Variants in FBXL13 observed in about 807,000 individuals in gnomAD.
FBXL13 encodes F-box and leucine rich repeat protein 13, also known as F-box and leucine-rich repeat protein 13.
Under a neutral mutation model 83.6 loss-of-function variants are expected in FBXL13, and 67 were observed. That is an observed-to-expected ratio of 0.80 (90% CI 0.66 to 0.98). The LOEUF (loss-of-function observed/expected upper bound fraction) is 0.98, where lower values mean the gene tolerates loss of function less well. Ranked by LOEUF, FBXL13 falls within the 50% of genes least tolerant of loss-of-function variation. FBXL13 has a pLI of 0.00. For synonymous variants in FBXL13, 272 were observed against 299.5 expected, an observed-to-expected ratio of 0.91 and a Z score of 0.95; for missense variants, 822 against 866.5, an observed-to-expected ratio of 0.95 and a Z score of 0.64.
chr7:102,890,985 C>A (rs1350110086), intron 11 of FBXL13, among the ~76,000 whole-genome samples: 1 of 152,150 alleles, frequency 6.6e-6, no homozygotes, highest in Non-Finnish European at 1.5e-5. Flanking sequence ...CTCAAAGGAG[C>A]CTGACTTAGC....
intron 8 of FBXL13, among the ~76,000 whole-genome samples, chr7:102,951,595 T>C (rs1176015818): frequency 1.3e-5 from 2 of 151,138 alleles, no homozygotes; most frequent in Non-Finnish European, 3.0e-5. Context: ...ATCACTTGAG[T>C]TCAGGAGTTC....
At position 102,922,087 on chromosome 7, in the gene FBXL13, G is replaced by A. The variant is rs139004783; in HGVS notation, c.878+4187C>T. ...CACCTGTAATCCTAGTTACTCAGGAGGCTGAGGCAGGAGACTTGCTTGAGC... is the reference window on the plus strand; with the variant it reads ...CACCTGTAATCCTAGTTACTCAGGAAGCTGAGGCAGGAGACTTGCTTGAGC... On this transcript the variant is annotated intron_variant, in intron 10 of 19. Coordinates refer to ENST00000313221, the Ensembl canonical transcript of FBXL13. Among the ~76,000 whole-genome samples the A allele has an allele frequency of 3.7e-3, 567 of 152,182 alleles. 5 individuals are homozygous for A. The highest frequency in any genetic ancestry group is 0.013 in the African/African-American group (560 of 41,522).
intron 8 of FBXL13, among the ~76,000 whole-genome samples, chr7:102,945,393 G>C (rs1822300705): frequency 6.6e-6 from 1 of 152,132 alleles, no homozygotes; most frequent in African/African-American, 2.4e-5. Context: ...ACCTGTCCGT[G>C]AGAAAGGGCC....
intron 6 of FBXL13, among the ~76,000 whole-genome samples, chr7:103,001,133 T>A (rs1368667519): frequency 4.9e-5 from 7 of 144,266 alleles, no homozygotes; most frequent in African/African-American, 2.0e-4. Flanking sequence ...TTTTTTTGAT[T>A]TTTTTTTTGT....
chr7:102,922,896 T>C (rs889898865), intron 10 of FBXL13, among the ~76,000 whole-genome samples: 1 of 151,964 alleles, frequency 6.6e-6, no homozygotes, highest in Non-Finnish European at 1.5e-5. Context: ...GAGAATGGCA[T>C]GAACCCGGGA....
chr7:102,889,411 T>C (rs1441709134), intron 11 of FBXL13, among the ~76,000 whole-genome samples: 1 of 151,888 alleles, frequency 6.6e-6, no homozygotes, highest in African/African-American at 2.4e-5. Flanking sequence ...TTGTTTTTAA[T>C]TTTTATTATT....
intron 3 of FBXL13, 112 bp downstream of exon 4, chr7:103,029,239 T>A (rs1794257009): frequency 1.7e-6 from 1 of 602,110 alleles, no homozygotes; most frequent in Non-Finnish European, 2.9e-6. Context: ...GGTAGAAACA[T>A]GATTAAACAG....
chr7:103,060,020 T>TA (rs1797705656), intron 1 of FBXL13, among the ~76,000 whole-genome samples: 17 of 50,072 alleles, frequency 3.4e-4, no homozygotes, highest in Non-Finnish European at 6.1e-4. Flanking sequence ...GCAAGATATT[T>TA]TATATATATA....
At chr7:103,019,291 A>T (rs1033147727) in intron 6 of FBXL13, among the ~76,000 whole-genome samples, 4 of 152,250 alleles carry the variant, frequency 2.6e-5, no homozygotes, top group African/African-American at 9.6e-5. Flanking sequence ...CAAAGAGACA[A>T]CATACCGGAA....
chr7:103,071,805 AT>A (rs1436621584), intron 1 of FBXL13, among the ~76,000 whole-genome samples: 1 of 152,264 alleles, frequency 6.6e-6, no homozygotes, highest in African/African-American at 2.4e-5. Flanking sequence ...AAGAGGTTAA[AT>A]ATACAGGGAA....
intron 7 of FBXL13, among the ~76,000 whole-genome samples, chr7:102,967,495 A>C (rs1826110820): frequency 6.6e-6 from 1 of 151,738 alleles, no homozygotes; most frequent in Admixed American, 6.6e-5. Context: ...CTGTTCTCAA[A>C]CTCCTGACCT....
At chr7:103,014,150 G>A (rs1243013016) in intron 6 of FBXL13, among the ~76,000 whole-genome samples, 1 of 152,170 alleles carries the variant, frequency 6.6e-6, no homozygotes, top group Non-Finnish European at 1.5e-5. Flanking sequence ...AGTCATGACA[G>A]TAAGATTATA....
intron 11 of FBXL13, among the ~76,000 whole-genome samples, chr7:102,889,552 C>A (rs1382332885): frequency 6.6e-6 from 1 of 152,014 alleles, no homozygotes; most frequent in African/African-American, 2.4e-5. Flanking sequence ...CTAATGCTAT[C>A]CCTCCCCCAG....
intron 2 of FBXL13, among the ~76,000 whole-genome samples, chr7:103,041,488 C>T (rs1795689929): frequency 6.6e-6 from 1 of 152,124 alleles, no homozygotes; most frequent in African/African-American, 2.4e-5. Context: ...TAGCATCATC[C>T]TGATACAAAA....
intron 11 of FBXL13, among the ~76,000 whole-genome samples, chr7:102,885,537 C>T (rs754675218): frequency 3.5e-4 from 53 of 151,606 alleles, no homozygotes; most frequent in Non-Finnish European, 5.7e-4. Flanking sequence ...ATTAGATGTA[C>T]GACTCAAAAT....
At chr7:102,936,679 C>G (rs1243324765) in intron 8 of FBXL13, among the ~76,000 whole-genome samples, 2 of 152,172 alleles carry the variant, frequency 1.3e-5, no homozygotes. Context: ...TGCTGAGGCT[C>G]TAACCTCAAG....
At chr7:102,868,519 A>G (rs1808070301) in intron 16 of FBXL13, among the ~76,000 whole-genome samples, 4 of 152,222 alleles carry the variant, frequency 2.6e-5, no homozygotes, top group African/African-American at 7.2e-5. Flanking sequence ...ATAGTATTCT[A>G]TTGTGCATAT....
intron 6 of FBXL13, chr7:102,973,376 G>C (rs1826982811): frequency 4.4e-6 from 3 of 678,484 alleles, no homozygotes; most frequent in Non-Finnish European, 8.1e-6. Flanking sequence ...CGGAAGACAC[G>C]TACCCCTGAA....
At chr7:103,016,698 G>T (rs1448622326) in intron 6 of FBXL13, among the ~76,000 whole-genome samples, 1 of 152,146 alleles carries the variant, frequency 6.6e-6, no homozygotes, top group Non-Finnish European at 1.5e-5. Context: ...TGGCTCGGAG[G>T]GTCCCACACC....
Sources: allele counts gnomAD v4.1 joint callset (sites outside exome capture counted in the v4.1 genomes callset), GRCh38; gene constraint gnomAD v4.1.1; transcripts MANE v1.5; gene names NCBI Gene and HGNC (gene_info 2026-07-23, HGNC 2026-07-21).